The following TBC1D8B variants were observed in gnomAD, a reference collection of about 807,000 sequenced individuals.
The protein encoded by TBC1D8B is RP11-321G1.1.
A neutral mutation model predicts 82.9 loss-of-function variants in TBC1D8B; 75 were observed. That is an observed-to-expected ratio of 0.90 (90% CI 0.75 to 1.10). TBC1D8B has a LOEUF of 1.10. Ranked by LOEUF, TBC1D8B falls within the 50% of genes least tolerant of loss-of-function variation. TBC1D8B has a pLI of 0.00. For missense variants in TBC1D8B, 794 were observed against 796.9 expected (o/e 1.00, Z 0.04); for synonymous variants, 276 against 276.8 (o/e 1.00, Z 0.03).
rs751188624 is a variant in TBC1D8B, at chrX:106,813,702, A to G, written c.131-4961A>G. On this transcript the variant is annotated intron_variant, in intron 1 of 20. Coordinates refer to ENST00000357242, the MANE Select transcript of TBC1D8B (RefSeq NM_017752.3). Reference sequence around the variant, plus strand: ...CAAATTTGACAACTTATGTTTATTTATATACACACACATTTATGTACTTAA... The same window carrying G: ...CAAATTTGACAACTTATGTTTATTTGTATACACACACATTTATGTACTTAA... 2.8e-4 allele frequency among the ~76,000 whole-genome samples: 31 copies of G among 112,143 alleles called. No individual in the cohort carries two copies. In the South Asian group the frequency reaches 0.011, roughly 40 times the overall value.
intron 14 of TBC1D8B, among the ~76,000 whole-genome samples, chrX:106,858,334 G>A (rs1221341727): frequency 9.0e-6 from 1 of 111,721 alleles, no homozygotes; most frequent in Admixed American, 9.5e-5. Context: ...GTGCAGTGGT[G>A]CGATCTTGGC....
chrX:106,840,696 CCTGA>C lies in TBC1D8B; in HGVS notation c.1534_1537del (p.Asp512IlefsTer10). 1 of 1,210,436 alleles carries C rather than the reference CCTGA, an allele frequency of 8.3e-7. No homozygotes were observed. The highest frequency in any genetic ancestry group is 1.1e-6 in the Non-Finnish European group (1 of 894,608). On this transcript the variant is annotated frameshift_variant, in exon 10 of 21. Transcript: ENST00000357242. LOFTEE classifies it high-confidence loss of function. Reference sequence around the variant, plus strand: ...TGCTGTTAATGACATGGCTACTAATCCTGACTATTATACTGAAGTGGTTGAGCAG... The same window carrying C: ...TGCTGTTAATGACATGGCTACTAATCCTATTATACTGAAGTGGTTGAGCAG...
intron 10 of TBC1D8B, 137 bp from the exon 11 acceptor site, chrX:106,848,049 T>G: frequency 2.8e-6 from 1 of 360,977 alleles, no homozygotes; most frequent in Non-Finnish European, 4.7e-6. Context: ...TGGCTCAGAG[T>G]TCTCATGTTT....
At chrX:106,857,466 T>C (rs1049700989) in intron 14 of TBC1D8B, among the ~76,000 whole-genome samples, 2 of 111,780 alleles carry the variant, frequency 1.8e-5, no homozygotes, top group African/African-American at 6.5e-5. Context: ...GTTTGTTATA[T>C]AGGTAAATTA....
chrX:106,809,358 T>C (rs1931287428), intron 1 of TBC1D8B, among the ~76,000 whole-genome samples: 1 of 111,199 alleles, frequency 9.0e-6, no homozygotes, highest in Non-Finnish European at 1.9e-5. Flanking sequence ...TAAGGTATCA[T>C]GATAGAGAGG....
intron 14 of TBC1D8B, among the ~76,000 whole-genome samples, chrX:106,862,766 G>GTTTTTTTTTTTTTTTTTTTTTTTTT (rs199693098): frequency 2.8e-5 from 1 of 35,799 alleles, no homozygotes; most frequent in Non-Finnish European, 5.6e-5. Context: ...CTTTGGATGG[G>GTTTTTTTTTTTTTTTTTTTTTTTTT]TTTTTTTTTG....
At chrX:106,841,092 T>C (rs1932295403) in intron 10 of TBC1D8B, among the ~76,000 whole-genome samples, 1 of 111,920 alleles carries the variant, frequency 8.9e-6, no homozygotes. Flanking sequence ...CAAATGTTTA[T>C]TGAACTTCTG....
intron 18 of TBC1D8B, 84 bp downstream of exon 18, chrX:106,868,560 T>A: frequency 1.7e-6 from 1 of 592,247 alleles, no homozygotes; most frequent in Non-Finnish European, 2.4e-6. Context: ...TTTACCCAAC[T>A]AAAATTGGGC....
At chrX:106,824,908 C>A (rs913810283) in intron 5 of TBC1D8B, among the ~76,000 whole-genome samples, 2 of 111,344 alleles carry the variant, frequency 1.8e-5, no homozygotes, top group African/African-American at 6.5e-5. Flanking sequence ...ATAGTTTAAA[C>A]AATACAGAAG....
rs200586180 is a variant in TBC1D8B at position 106,839,310 on chromosome X, T to C, written c.1206T>C (p.Leu402=). The C allele has an allele frequency of 8.4e-5, 95 of 1,135,255 alleles. 1 individual carries two copies. The African/African-American group carries it at 1.6e-3, about 19-fold the overall frequency. 93.6% of individuals were successfully genotyped at this position (1,135,255 alleles called of 1,213,427 possible). A position where few individuals can be genotyped will look rare whatever the true frequency, so the allele number is the denominator to read the frequency against. The stretch of plus-strand genomic sequence containing the variant: ...CAACTACATTCTTTCTTTTTCAGCT[T>C]GCTATTAGTTCTGAGTCTACAGAGC... ...STQYHDISTE[L]AISSESTEPS... is the part of the protein sequence containing the mutation. Residue 402 remains leucine, a splice_region_variant and synonymous_variant, in exon 8 of 21, where the codon CTT becomes CTC. Transcript: ENST00000357242.
chrX:106,847,780 A>G (rs570559941), intron 10 of TBC1D8B, among the ~76,000 whole-genome samples: 1 of 111,814 alleles, frequency 8.9e-6, no homozygotes, highest in African/African-American at 3.2e-5. Context: ...AGGATGATTC[A>G]TATCTGAGGG....
At chrX:106,823,168 A>G (rs752660303) in intron 4 of TBC1D8B, 58 bp from the exon 5 acceptor site, 3 of 1,087,008 alleles carry the variant, frequency 2.8e-6, no homozygotes, top group Non-Finnish European at 3.7e-6. Flanking sequence ...AGAACTGATT[A>G]ATAAACATAA....
At chrX:106,866,691 A>C in intron 16 of TBC1D8B, 106 bp from the exon 17 acceptor site, 1 of 547,318 alleles carries the variant, frequency 1.8e-6, no homozygotes. Context: ...AGGTTTCTAA[A>C]TCCTAATTTT....
Position 106,818,712 on chromosome X carries a change from A to G in TBC1D8B, c.180A>G (p.Val60=). The G allele has an allele frequency of 8.3e-7, 1 of 1,209,249 alleles. No homozygotes were observed. Among genetic ancestry groups the G allele is most frequent in the East Asian group, 3.0e-5 (1 of 33,780 alleles). ...LDSVLDSTAK[V]APFRILHQTP... ...CAGTCTTGGACTCTACTGCTAAAGT[A>G]GCTCCATTTCGCATCCTACACCAGA... is the stretch of plus-strand genomic sequence containing the variant. Residue 60 remains valine (V), a synonymous_variant, in exon 2 of 21, where the codon GTA becomes GTG. Coordinates refer to ENST00000357242, the MANE Select transcript of TBC1D8B (RefSeq NM_017752.3).
chrX:106,862,934 G>C (rs1011152060), intron 14 of TBC1D8B, among the ~76,000 whole-genome samples: 27 of 109,719 alleles, frequency 2.5e-4, no homozygotes, highest in African/African-American at 8.6e-4. Context: ...TGCGGGGCTG[G>C]TACCAGACCC....
At position 106,823,496 on chromosome X, in the gene TBC1D8B, A is replaced by G. The variant is rs777960960; in HGVS notation, c.827+30A>G. On this transcript the variant is annotated intron_variant, in intron 5 of 20. Coordinates refer to ENST00000357242, the MANE Select transcript of TBC1D8B (RefSeq NM_017752.3). The stretch of plus-strand genomic sequence containing the variant: ...TCAAAGCTTAATTTTTAGTTTTCAA[A>G]GTATTGTTTGACCATAAGAATGAAG... 16 of 1,186,344 alleles carry G rather than the reference A, an allele frequency of 1.3e-5. No homozygotes were observed. The South Asian group carries it at 1.9e-4, about 14-fold the overall frequency.
chrX:106,858,661 G>A (rs1192004630), intron 14 of TBC1D8B, among the ~76,000 whole-genome samples: 1 of 112,282 alleles, frequency 8.9e-6, no homozygotes, highest in Non-Finnish European at 1.9e-5. Flanking sequence ...CACTCTGTAG[G>A]TTGTCTGTTT....
intron 13 of TBC1D8B, 95 bp downstream of exon 13, chrX:106,853,745 A>G: frequency 1.1e-6 from 1 of 885,267 alleles, no homozygotes. Flanking sequence ...TAAGATAATA[A>G]TGCAAGTAGA....
At chrX:106,807,595 A>T (rs1229363820) in intron 1 of TBC1D8B, among the ~76,000 whole-genome samples, 1 of 110,013 alleles carries the variant, frequency 9.1e-6, no homozygotes, top group East Asian at 2.9e-4. Context: ...ACCGTCCTTT[A>T]TTTCTCAAAA....
Sources: allele counts gnomAD v4.1 joint callset (sites outside exome capture counted in the v4.1 genomes callset), GRCh38; gene constraint gnomAD v4.1.1; transcripts MANE v1.5; gene names NCBI Gene and HGNC (gene_info 2026-07-23, HGNC 2026-07-21).